The following RBFOX1 variants were observed in gnomAD, a reference collection of about 807,000 sequenced individuals.
RBFOX1 encodes RNA binding protein fox-1 homolog 1.
Under a neutral mutation model 57.7 loss-of-function variants are expected in RBFOX1, and 8 were observed. The ratio of observed to expected loss-of-function variants is 0.14; its 90% CI spans 0.08 to 0.25. RBFOX1 has a LOEUF of 0.25. Among genes scored for constraint, RBFOX1 ranks in the 10% least tolerant of loss-of-function variants. The pLI is 1.00. For synonymous variants in RBFOX1, 326 were observed against 222.4 expected (o/e 1.47, Z -4.15); for missense variants, 611 against 548.5 (o/e 1.11, Z -1.14).
At chr16:6,960,366 C>T (rs2082704145) in intron 3 of RBFOX1, among the ~76,000 whole-genome samples, 1 of 152,108 alleles carries the variant, frequency 6.6e-6, no homozygotes, top group African/African-American at 2.4e-5. Context: ...GCTGTATAAG[C>T]TCTGGAAAAC....
At chr16:6,801,268 G>A (rs149232708) in intron 3 of RBFOX1, among the ~76,000 whole-genome samples, 2 of 151,892 alleles carry the variant, frequency 1.3e-5, no homozygotes, top group Non-Finnish European at 2.9e-5. Flanking sequence ...GCTGGGAAGT[G>A]TGATGATGAT....
At chr16:7,588,607 G>A (rs2094260927) in intron 7 of RBFOX1, among the ~76,000 whole-genome samples, 1 of 152,146 alleles carries the variant, frequency 6.6e-6, no homozygotes. Flanking sequence ...AATGTTGAGA[G>A]ATAGTGATTT....
At chr16:6,314,237 A>T (rs1470916580) in intron 1 of RBFOX1, among the ~76,000 whole-genome samples, 1 of 152,184 alleles carries the variant, frequency 6.6e-6, no homozygotes, top group African/African-American at 2.4e-5. Context: ...AGGCTACCCA[A>T]TGTAGTGAGC....
intron 1 of RBFOX1, chr16:5,289,265 T>A (rs1596405785): frequency 1.0e-5 from 4 of 400,052 alleles, no homozygotes; most frequent in African/African-American, 8.2e-5. Context: ...GGTTTCATCA[T>A]TGGGCACCCA....
At chr16:6,405,311 G>A (rs1452722976) in intron 2 of RBFOX1, among the ~76,000 whole-genome samples, 1 of 152,162 alleles carries the variant, frequency 6.6e-6, no homozygotes, top group Non-Finnish European at 1.5e-5. Context: ...GTCATGACAA[G>A]TTAGGTTATG....
chr16:5,353,736 A>AAACC (rs1555498169), intron 1 of RBFOX1, among the ~76,000 whole-genome samples: 1 of 148,646 alleles, frequency 6.7e-6, no homozygotes, highest in East Asian at 2.0e-4. Flanking sequence ...GAAAAAAAAA[A>AAACC]AAACCTCGCC....
intron 2 of RBFOX1, among the ~76,000 whole-genome samples, chr16:6,559,138 T>C (rs2097145004): frequency 1.3e-5 from 2 of 150,922 alleles, no homozygotes; most frequent in Non-Finnish European, 2.9e-5. Context: ...TGTGTGTATA[T>C]ACATATGTGT....
At chr16:7,324,941 A>C (rs925507153) in intron 4 of RBFOX1, among the ~76,000 whole-genome samples, 1 of 152,188 alleles carries the variant, frequency 6.6e-6, no homozygotes, top group African/African-American at 2.4e-5. Flanking sequence ...TTTTCCATTT[A>C]CAGAAGCCAT....
chr16:7,518,038 C>T (rs543253735), intron 4 of RBFOX1, 109 bp from the exon 5 acceptor site: 8 of 1,383,088 alleles, frequency 5.8e-6, no homozygotes, highest in African/African-American at 1.4e-5. Context: ...ACCATGGTGA[C>T]CCCTAGAAAG....
chr16:7,059,622 C>G (rs987326780), intron 4 of RBFOX1, among the ~76,000 whole-genome samples: 3 of 152,176 alleles, frequency 2.0e-5, no homozygotes, highest in Non-Finnish European at 2.9e-5. Context: ...ATAGAAGAAG[C>G]TTACCTGATT....
intron 3 of RBFOX1, among the ~76,000 whole-genome samples, chr16:5,782,958 C>T (rs1400744638): frequency 1.3e-5 from 2 of 152,140 alleles, no homozygotes; most frequent in Non-Finnish European, 2.9e-5. Flanking sequence ...GATGACATCA[C>T]CCACACGGGT....
At chr16:5,788,087 G>T (rs933307800) in intron 3 of RBFOX1, among the ~76,000 whole-genome samples, 1 of 152,170 alleles carries the variant, frequency 6.6e-6, no homozygotes, top group African/African-American at 2.4e-5. Flanking sequence ...GATTGTCTGT[G>T]AGCCCTTCTT....
intron 1 of RBFOX1, among the ~76,000 whole-genome samples, chr16:6,135,372 A>G (rs113559033): frequency 6.6e-6 from 1 of 152,212 alleles, no homozygotes; most frequent in South Asian, 2.1e-4. Context: ...ACAAGGTACC[A>G]TAGAATTCAG....
intron 1 of RBFOX1, among the ~76,000 whole-genome samples, chr16:6,216,938 C>G (rs531030901): frequency 6.6e-6 from 1 of 152,020 alleles, no homozygotes; most frequent in African/African-American, 2.4e-5. Context: ...GTTCTTTCTA[C>G]TTTTCTTCTG....
At chr16:6,539,007 T>A (rs2096773853) in intron 2 of RBFOX1, among the ~76,000 whole-genome samples, 1 of 152,176 alleles carries the variant, frequency 6.6e-6, no homozygotes, top group Non-Finnish European at 1.5e-5. Context: ...CCAATGTTAT[T>A]TTTACTGTCT....
At chr16:5,589,757 G>A (rs1240934730) in intron 2 of RBFOX1, among the ~76,000 whole-genome samples, 1 of 152,116 alleles carries the variant, frequency 6.6e-6, no homozygotes, top group African/African-American at 2.4e-5. Context: ...TCAGAGAGGT[G>A]AAGTCACTTT....
intron 2 of RBFOX1, among the ~76,000 whole-genome samples, chr16:6,561,581 A>C (rs2097179762): frequency 6.6e-6 from 1 of 152,210 alleles, no homozygotes; most frequent in Non-Finnish European, 1.5e-5. Context: ...AGGGGTTGTC[A>C]TGTAGAACAA....
intron 1 of RBFOX1, among the ~76,000 whole-genome samples, chr16:5,444,629 G>A (rs77945347): frequency 0.02 from 3,005 of 152,190 alleles, 54 homozygotes; most frequent in Admixed American, 0.044. Flanking sequence ...AGATGTCTCT[G>A]GAGCTAGTGG....
chr16:6,158,450 G>A (rs1245176630), intron 1 of RBFOX1, among the ~76,000 whole-genome samples: 1 of 152,044 alleles, frequency 6.6e-6, no homozygotes, highest in Non-Finnish European at 1.5e-5. Context: ...TTTTTCCCTC[G>A]TAAAGAATCT....
Sources: gnomAD v4.1 joint callset for allele counts (sites outside exome capture counted in the v4.1 genomes callset) on GRCh38, gnomAD v4.1.1 for gene constraint, MANE v1.5 for transcripts, NCBI Gene and HGNC (gene_info 2026-07-23, HGNC 2026-07-21) for gene names.